The following KHDC1 variants were observed in gnomAD, a reference collection of about 807,000 sequenced individuals.
KHDC1 encodes the protein KH homology domain-containing protein 1.
Under a neutral mutation model 24.7 loss-of-function variants are expected in KHDC1, and 21 were observed. The observed-to-expected ratio is 0.85, with a 90% confidence interval of 0.60 to 1.23. The LOEUF (loss-of-function observed/expected upper bound fraction) is 1.23. Ranked by LOEUF, KHDC1 falls within the 50% of genes most tolerant of loss-of-function variation. The pLI, the probability that KHDC1 is intolerant of heterozygous loss-of-function variation, is 0.00. For missense variants in KHDC1, 274 were observed against 298.5 expected (o/e 0.92, Z 0.61); for synonymous variants, 98 against 111.7 (o/e 0.88, Z 0.77).
At chr6:73,278,049 G>A (rs1201609179) in intron 2 of KHDC1, among the ~76,000 whole-genome samples, 1 of 115,192 alleles carries the variant, frequency 8.7e-6, no homozygotes, top group Non-Finnish European at 1.6e-5. Flanking sequence ...GTCTTGCTCT[G>A]TCACCCAGCT....
At chr6:73,262,743 A>G in intron 2 of KHDC1, 31 bp downstream of exon 1, 1 of 985,448 alleles carries the variant, frequency 1.0e-6, no homozygotes, top group Non-Finnish European at 1.2e-6. Flanking sequence ...GAACTTAGTA[A>G]GAAATGTGCA....
At chr6:73,248,859 T>G (rs1462026801) in intron 2 of KHDC1, among the ~76,000 whole-genome samples, 1 of 151,992 alleles carries the variant, frequency 6.6e-6, no homozygotes, top group East Asian at 1.9e-4. Flanking sequence ...ATGTCTGAAC[T>G]TCAAGGGATT....
At chr6:73,251,837 C>T (rs1766782563) in intron 2 of KHDC1, among the ~76,000 whole-genome samples, 1 of 146,222 alleles carries the variant, frequency 6.8e-6, no homozygotes, top group Non-Finnish European at 1.5e-5. Context: ...TCGTTTTGTC[C>T]TCCATGCTGG....
At chr6:73,247,719 T>C (rs1166365431) in intron 2 of KHDC1, among the ~76,000 whole-genome samples, 1 of 151,886 alleles carries the variant, frequency 6.6e-6, no homozygotes, top group Non-Finnish European at 1.5e-5. Context: ...TAGCCGGGCA[T>C]AGTGGCACGC....
chr6:73,284,449 C>T (rs1767479909), intron 2 of KHDC1, among the ~76,000 whole-genome samples: 1 of 152,160 alleles, frequency 6.6e-6, no homozygotes, highest in Admixed American at 6.5e-5. Flanking sequence ...GGACCATTTT[C>T]CACACCCCTA....
exon 5 of KHDC1, chr6:73,241,498 T>C: frequency 6.2e-7 from 1 of 1,603,524 alleles, no homozygotes; most frequent in Non-Finnish European, 8.5e-7. Flanking sequence ...TCTCCTCTCA[T>C]CCCCACTTCC....
At chr6:73,271,442 C>G (rs189709818) in intron 2 of KHDC1, among the ~76,000 whole-genome samples, 1 of 150,998 alleles carries the variant, frequency 6.6e-6, no homozygotes, top group Non-Finnish European at 1.5e-5. Flanking sequence ...CTCCTGACCT[C>G]GTGATCCACC....
At chr6:73,255,296 T>C (rs1260881462) in intron 2 of KHDC1, among the ~76,000 whole-genome samples, 1 of 148,114 alleles carries the variant, frequency 6.8e-6, no homozygotes, top group Admixed American at 6.8e-5. Context: ...CTTGGCTCAC[T>C]GCAGCCTCTG....
intron 1 of KHDC1, chr6:73,309,484 C>T: frequency 7.0e-7 from 1 of 1,429,884 alleles, no homozygotes; most frequent in East Asian, 2.5e-5. Context: ...ATCCCGGAAG[C>T]GAAACTCGCC....
rs150199800 is a variant in KHDC1, at chr6:73,259,696, C to G, written c.207-17166G>C. On this transcript the variant is annotated intron_variant, in intron 2 of 4. Coordinates refer to ENST00000370384, the Ensembl canonical transcript of KHDC1. ...ATGTTGTTTCCTCTCCTGGCCCCTT[C>G]TCCACACTTTTAAACAAGCATGTTG... is the stretch of plus-strand genomic sequence containing the variant. 7.9e-5 allele frequency among the ~76,000 whole-genome samples: 12 copies of G among 152,280 alleles called. No individual in the cohort carries two copies. The East Asian group carries it at 2.3e-3, about 29-fold the overall frequency.
intron 2 of KHDC1, among the ~76,000 whole-genome samples, chr6:73,287,137 C>T (rs966387860): frequency 6.6e-6 from 1 of 152,174 alleles, no homozygotes; most frequent in Middle Eastern, 3.2e-3. Flanking sequence ...AAATATATTA[C>T]TTACCAAAGC....
chr6:73,255,129 T>C (rs1425124087), intron 2 of KHDC1, among the ~76,000 whole-genome samples: 1 of 151,248 alleles, frequency 6.6e-6, no homozygotes, highest in Non-Finnish European at 1.5e-5. Flanking sequence ...TAAAGATATA[T>C]ATTCAAAAAA....
intron 2 of KHDC1, among the ~76,000 whole-genome samples, chr6:73,258,314 G>C (rs1188663101): frequency 1.3e-5 from 2 of 152,014 alleles, no homozygotes; most frequent in Admixed American, 1.3e-4. Context: ...GTGGTGGCAC[G>C]CACCTATAGT....
intron 1 of KHDC1, among the ~76,000 whole-genome samples, chr6:73,303,635 A>G (rs1446734746): frequency 1.3e-5 from 2 of 152,222 alleles, no homozygotes; most frequent in Admixed American, 1.3e-4. Flanking sequence ...TCAATAATGT[A>G]TAGCTTCAGT....
intron 2 of KHDC1, among the ~76,000 whole-genome samples, chr6:73,261,535 C>T (rs1311464462): frequency 2.0e-5 from 3 of 151,834 alleles, no homozygotes; most frequent in African/African-American, 4.8e-5. Flanking sequence ...TTTGGGAGGT[C>T]GAGGCGGGCG....
intron 2 of KHDC1, among the ~76,000 whole-genome samples, chr6:73,287,003 A>G (rs1767535794): frequency 6.6e-6 from 1 of 152,158 alleles, no homozygotes; most frequent in Non-Finnish European, 1.5e-5. Context: ...ACAGTGGCCC[A>G]CACTAAGTGA....
chr6:73,290,106 C>CAAAAAAAAAAAAAA (rs140342387), intron 2 of KHDC1, among the ~76,000 whole-genome samples: 1 of 86,496 alleles, frequency 1.2e-5, no homozygotes, highest in African/African-American at 5.1e-5. Flanking sequence ...GACTCCGTCT[C>CAAAAAAAAAAAAAA]AAAAAAAAAA....
chr6:73,283,174 C>T (rs925691343), intron 2 of KHDC1, among the ~76,000 whole-genome samples: 1 of 152,154 alleles, frequency 6.6e-6, no homozygotes, highest in Non-Finnish European at 1.5e-5. Flanking sequence ...TTACGTATAG[C>T]TCACATTTAA....
chr6:73,255,008 GAA>G (rs964391963), intron 2 of KHDC1, among the ~76,000 whole-genome samples: 1 of 128,422 alleles, frequency 7.8e-6, no homozygotes, highest in African/African-American at 2.8e-5. Flanking sequence ...GTCTCAAAAA[GAA>G]AAAAAAAAAA....
Sources: gnomAD v4.1 joint callset for allele counts (sites outside exome capture counted in the v4.1 genomes callset) on GRCh38, gnomAD v4.1.1 for gene constraint, MANE v1.5 for transcripts, NCBI Gene and HGNC (gene_info 2026-07-23, HGNC 2026-07-21) for gene names.